DOCK3: variants seen among roughly 807,000 people sequenced by gnomAD.
DOCK3 encodes the protein dedicator of cytokinesis protein 3.
Under a neutral mutation model 265.6 loss-of-function variants are expected in DOCK3, and 60 were observed. The observed-to-expected ratio is 0.23, with a 90% CI of 0.18 to 0.28. The LOEUF is 0.28. Ranked by LOEUF, DOCK3 falls within the 10% of genes least tolerant of loss-of-function variation. The pLI is 1.00. For synonymous variants in DOCK3, 881 were observed against 938.0 expected, an observed-to-expected ratio of 0.94 and a Z score of 1.11; for missense variants, 1,981 against 2,594.3, an observed-to-expected ratio of 0.76 and a Z score of 5.14.
At chr3:50,729,364 ATTTATTTATTTATT>A (rs1040407744) in intron 1 of DOCK3, among the ~76,000 whole-genome samples, 10 of 145,580 alleles carry the variant, frequency 6.9e-5, no homozygotes, top group East Asian at 6.0e-4. Flanking sequence ...TATTTTATTT[ATTTATTTATTTATT>A]TTTATTTATT....
intron 46 of DOCK3, among the ~76,000 whole-genome samples, chr3:51,358,932 A>G (rs2086550170): frequency 6.6e-6 from 1 of 152,236 alleles, no homozygotes; most frequent in Admixed American, 6.5e-5. Flanking sequence ...AATGTTTTCT[A>G]AAGATCCCTT....
chr3:50,815,381 A>C (rs1381030109), intron 2 of DOCK3, among the ~76,000 whole-genome samples: 2 of 152,300 alleles, frequency 1.3e-5, no homozygotes, highest in East Asian at 3.9e-4. Context: ...TTTCATGTAC[A>C]TATCAATTTC....
At chr3:50,854,925 A>G (rs2107438282) in intron 3 of DOCK3, among the ~76,000 whole-genome samples, 1 of 152,150 alleles carries the variant, frequency 6.6e-6, no homozygotes, top group African/African-American at 2.4e-5. Context: ...CAACTTTGTC[A>G]AAGATCAGTT....
chr3:51,089,415 G>A (rs2082551798), intron 8 of DOCK3, 131 bp downstream of exon 8: 1 of 1,116,904 alleles, frequency 9.0e-7, no homozygotes, highest in East Asian at 2.6e-5. Context: ...TATCTGAGGA[G>A]CTTTGACCTC....
chr3:51,268,177 T>C (rs548569060), intron 23 of DOCK3, among the ~76,000 whole-genome samples: 1 of 152,268 alleles, frequency 6.6e-6, no homozygotes, highest in South Asian at 2.1e-4. Context: ...TAGATTAGAT[T>C]CAATATTAGA....
chr3:51,022,028 A>G (rs1426639683), intron 5 of DOCK3, among the ~76,000 whole-genome samples: 2 of 152,148 alleles, frequency 1.3e-5, no homozygotes, highest in Non-Finnish European at 2.9e-5. Flanking sequence ...CACCTTTAAT[A>G]TTTCTCAGAA....
chr3:51,020,105 G>A (rs953764599), intron 5 of DOCK3, among the ~76,000 whole-genome samples: 29 of 151,742 alleles, frequency 1.9e-4, no homozygotes, highest in African/African-American at 6.3e-4. Flanking sequence ...AAAAACATTC[G>A]TTTTTCTCTG....
At chr3:51,004,594 T>G (rs1016030909) in intron 5 of DOCK3, among the ~76,000 whole-genome samples, 2 of 152,102 alleles carry the variant, frequency 1.3e-5, no homozygotes, top group Non-Finnish European at 1.5e-5. Flanking sequence ...TATAGTAGTA[T>G]TATATAGTAG....
intron 3 of DOCK3, among the ~76,000 whole-genome samples, chr3:50,870,130 T>G (rs1407860299): frequency 6.6e-6 from 1 of 152,224 alleles, no homozygotes; most frequent in Non-Finnish European, 1.5e-5. Context: ...TTCGATTCAT[T>G]TCATCTGTAG....
At chr3:50,985,929 A>G (rs758559232) in intron 5 of DOCK3, among the ~76,000 whole-genome samples, 3 of 151,996 alleles carry the variant, frequency 2.0e-5, no homozygotes, top group Non-Finnish European at 2.9e-5. Context: ...TAGCTAATCT[A>G]TTTTAAAAGT....
chr3:50,867,669 T>G (rs144496968), intron 3 of DOCK3, among the ~76,000 whole-genome samples: 1 of 152,034 alleles, frequency 6.6e-6, no homozygotes, highest in Non-Finnish European at 1.5e-5. Context: ...TGCTTTTTCA[T>G]AATCAATTGA....
At chr3:51,114,301 A>T (rs1209286041) in intron 9 of DOCK3, among the ~76,000 whole-genome samples, 1 of 152,192 alleles carries the variant, frequency 6.6e-6, no homozygotes, top group Non-Finnish European at 1.5e-5. Flanking sequence ...ACTGTAAAGG[A>T]GCAGTCAGAC....
chr3:50,938,945 C>G (rs536924904), intron 5 of DOCK3, among the ~76,000 whole-genome samples: 1 of 149,082 alleles, frequency 6.7e-6, no homozygotes, highest in South Asian at 2.1e-4. Flanking sequence ...AAATGAAGAG[C>G]AGAAATTAAT....
rs28672954 is a variant in DOCK3 at position 50,750,804 on chromosome 3, C to G, written c.38-27871C>G. Among the ~76,000 whole-genome samples, 425 of 152,286 alleles carry G rather than the reference C, an allele frequency of 2.8e-3. 3 individuals are homozygous for G. The highest frequency in any genetic ancestry group is 9.8e-3 in the African/African-American group (407 of 41,558). On this transcript the variant is annotated intron_variant, in intron 1 of 52. Transcript: ENST00000266037. ...CATTTGCTCCCAGAGTGTGTTACTC[C>G]ACCATCCAGCTGGTGTGTGCTATAG...
At chr3:50,778,828 C>T in intron 2 of DOCK3, 70 bp downstream of exon 2, 1 of 1,076,300 alleles carries the variant, frequency 9.3e-7, no homozygotes, top group Non-Finnish European at 1.3e-6. Flanking sequence ...TTATTTTGTG[C>T]TAATAAGATT....
Position 50,889,066 on chromosome 3 carries a change from G to GGGGTGTGT in DOCK3, c.163-959_163-958insGGTGTGTG, listed in dbSNP as rs869046567. 2.2e-3 allele frequency among the ~76,000 whole-genome samples: 301 copies of GGGGTGTGT among 134,258 alleles called. 1 individual carries two copies. Among genetic ancestry groups the GGGGTGTGT allele is most frequent in the African/African-American group, 8.0e-3 (290 of 36,214 alleles). The allele number at this position is 134,258 out of a possible 152,430, so 88.1% of individuals were successfully genotyped here. On this transcript the variant is annotated intron_variant, in intron 3 of 52. Coordinates refer to ENST00000266037, the MANE Select transcript of DOCK3 (RefSeq NM_004947.5). ...GAGTATAAAATATATTTAAGCCATG[G>GGGGTGTGT]GTGTGTGTGTGTGTGTGTGTGTGTG... is the stretch of plus-strand genomic sequence containing the variant.
intron 12 of DOCK3, among the ~76,000 whole-genome samples, chr3:51,177,505 G>T (rs905829486): frequency 2.3e-4 from 35 of 152,164 alleles, no homozygotes; most frequent in African/African-American, 8.4e-4. Flanking sequence ...TAATCTAAAG[G>T]TAACCCCTCA....
intron 13 of DOCK3, among the ~76,000 whole-genome samples, chr3:51,211,244 T>TA (rs1298151510): frequency 6.6e-6 from 1 of 152,206 alleles, no homozygotes; most frequent in Non-Finnish European, 1.5e-5. Context: ...TTACTTTTTT[T>TA]ATGGGTCAGT....
chr3:51,168,936 A>T (rs951019960), intron 12 of DOCK3, among the ~76,000 whole-genome samples: 2 of 152,250 alleles, frequency 1.3e-5, no homozygotes, highest in Non-Finnish European at 2.9e-5. Flanking sequence ...GGACATGTAT[A>T]GACACCTTCA....
Sources: allele counts gnomAD v4.1 joint callset (sites outside exome capture counted in the v4.1 genomes callset), GRCh38; gene constraint gnomAD v4.1.1; transcripts MANE v1.5; gene names NCBI Gene and HGNC (gene_info 2026-07-23, HGNC 2026-07-21).